Variants in ARHGAP15 observed in about 807,000 individuals in gnomAD.
ARHGAP15 encodes rho GTPase-activating protein 15.
Under a neutral mutation model 63.7 loss-of-function variants are expected in ARHGAP15, and 51 were observed. The observed-to-expected ratio is 0.80, with a 90% CI of 0.64 to 1.01. The LOEUF (loss-of-function observed/expected upper bound fraction) is 1.01, where lower values mean the gene tolerates loss of function less well. Ranked by LOEUF, ARHGAP15 falls within the 50% of genes least tolerant of loss-of-function variation. The probability of loss-of-function intolerance (pLI) is 0.00; values close to 1 mark genes in which losing one functional copy is unlikely to be tolerated. For missense variants in ARHGAP15, 560 were observed against 564.6 expected, an observed-to-expected ratio of 0.99 and a Z score of 0.08; for synonymous variants, 191 against 193.8, an observed-to-expected ratio of 0.99 and a Z score of 0.12.
At chr2:143,724,998 T>C (rs1014826389) in intron 13 of ARHGAP15, among the ~76,000 whole-genome samples, 1 of 152,194 alleles carries the variant, frequency 6.6e-6, no homozygotes, top group African/African-American at 2.4e-5. Flanking sequence ...TAACTCAAGT[T>C]CCTCAGGAGA....
chr2:143,660,598 G>A (rs1681711338), intron 12 of ARHGAP15, among the ~76,000 whole-genome samples: 1 of 152,204 alleles, frequency 6.6e-6, no homozygotes, highest in African/African-American at 2.4e-5. Flanking sequence ...CTTAGCGACA[G>A]ACCTGTGTAA....
chr2:143,648,028 G>A (rs564538472), intron 12 of ARHGAP15, among the ~76,000 whole-genome samples: 1 of 152,084 alleles, frequency 6.6e-6, no homozygotes, highest in South Asian at 2.1e-4. Context: ...TCAGAGGATT[G>A]ATACTGCAGC....
At chr2:143,723,105 G>A (rs1217444690) in intron 13 of ARHGAP15, among the ~76,000 whole-genome samples, 1 of 152,196 alleles carries the variant, frequency 6.6e-6, no homozygotes, top group African/African-American at 2.4e-5. Context: ...ACTGCCTGCA[G>A]TATTTAGTAC....
intron 6 of ARHGAP15, among the ~76,000 whole-genome samples, chr2:143,308,285 CT>C (rs2105178615): frequency 6.6e-6 from 1 of 152,200 alleles, no homozygotes; most frequent in African/African-American, 2.4e-5. Flanking sequence ...ACATTTTCAA[CT>C]TTTCTTATGC....
intron 8 of ARHGAP15, among the ~76,000 whole-genome samples, chr2:143,448,208 A>C (rs1363766577): frequency 6.6e-6 from 1 of 152,160 alleles, no homozygotes; most frequent in Non-Finnish European, 1.5e-5. Flanking sequence ...TGTGCAAAAC[A>C]TTGGGGCAAC....
At chr2:143,325,712 C>G (rs562552742) in intron 6 of ARHGAP15, among the ~76,000 whole-genome samples, 1 of 152,192 alleles carries the variant, frequency 6.6e-6, no homozygotes, top group South Asian at 2.1e-4. Flanking sequence ...TTGTATACTT[C>G]AGAAAAAATC....
In ARHGAP15 at chr2:143,228,604, T is replaced by C. The variant is rs1363400183; in HGVS notation, c.320T>C (p.Ile107Thr). ...AGGAAAAACTGGTCTACTTCCTGGA[T>C]TGTTCTTTCTAGTCGAAGAATTGAA... The part of the protein sequence containing the change: ...KLRKNWSTSW[I>T]VLSSRRIEFY... Residue 107 changes from isoleucine (I) to threonine (T), a missense_variant, in exon 5 of 14, where the codon ATT (isoleucine) becomes ACT (threonine). Ile to Thr is a moderately conservative substitution (Grantham distance 89). Coordinates refer to ENST00000295095, the MANE Select transcript of ARHGAP15 (RefSeq NM_018460.4). 6.2e-7 allele frequency: 1 copy of C among 1,609,584 alleles called. No homozygotes were observed.
intron 5 of ARHGAP15, among the ~76,000 whole-genome samples, chr2:143,242,994 G>A (rs551795701): frequency 5.3e-5 from 8 of 152,242 alleles, no homozygotes; most frequent in South Asian, 2.1e-4. Flanking sequence ...AAAAAATGGC[G>A]CTAATAACCT....
chr2:143,262,999 T>C (rs1308705875), intron 6 of ARHGAP15, among the ~76,000 whole-genome samples: 1 of 152,148 alleles, frequency 6.6e-6, no homozygotes, highest in East Asian at 1.9e-4. Flanking sequence ...GGAGACACCA[T>C]GTCATGTAAC....
At chr2:143,282,268 T>C (rs1681886928) in intron 6 of ARHGAP15, among the ~76,000 whole-genome samples, 4 of 152,190 alleles carry the variant, frequency 2.6e-5, no homozygotes, top group Admixed American at 2.6e-4. Flanking sequence ...AAGGCATGCA[T>C]CCATCTCTCA....
intron 11 of ARHGAP15, among the ~76,000 whole-genome samples, chr2:143,582,258 G>T (rs1696936860): frequency 6.6e-6 from 1 of 152,142 alleles, no homozygotes; most frequent in South Asian, 2.1e-4. Flanking sequence ...TTTGAGGGTA[G>T]TAGGTTAGAA....
At chr2:143,510,864 C>G (rs192354688) in intron 9 of ARHGAP15, among the ~76,000 whole-genome samples, 5 of 152,294 alleles carry the variant, frequency 3.3e-5, no homozygotes, top group Admixed American at 6.5e-5. Context: ...GCTGCAATGG[C>G]CCTCTCTCCT....
chr2:143,739,134 A>G (rs1685865669), intron 13 of ARHGAP15, among the ~76,000 whole-genome samples: 1 of 152,168 alleles, frequency 6.6e-6, no homozygotes, highest in Non-Finnish European at 1.5e-5. Context: ...ATCTGCATGC[A>G]CACTCCATCT....
intron 6 of ARHGAP15, among the ~76,000 whole-genome samples, chr2:143,261,784 A>G (rs1005829565): frequency 6.6e-6 from 1 of 152,184 alleles, no homozygotes; most frequent in African/African-American, 2.4e-5. Context: ...AGTTTATTTG[A>G]TTGAAGAAAG....
In ARHGAP15 at chr2:143,417,248, G is replaced by A. The variant is rs55762647; in HGVS notation, c.475-18353G>A. On this transcript the variant is annotated intron_variant, in intron 6 of 13. Coordinates refer to ENST00000295095, the MANE Select transcript of ARHGAP15 (RefSeq NM_018460.4). ...TCATTACTTGTCACATTTTCTAATT[G>A]CATTTTGTAATTTATCTGTGCCTGA... is the stretch of plus-strand genomic sequence containing the variant. Among the ~76,000 whole-genome samples the A allele has an allele frequency of 5.1e-3, 781 of 152,080 alleles. 2 individuals carry two copies. The highest frequency in any genetic ancestry group is 0.017 in the African/African-American group (721 of 41,488).
At chr2:143,573,496 G>T (rs560120598) in intron 11 of ARHGAP15, among the ~76,000 whole-genome samples, 1 of 152,246 alleles carries the variant, frequency 6.6e-6, no homozygotes, top group South Asian at 2.1e-4. Context: ...TTGTTACAGA[G>T]TAAAAATTAC....
intron 2 of ARHGAP15, among the ~76,000 whole-genome samples, chr2:143,156,298 C>G (rs1230416307): frequency 6.6e-6 from 1 of 151,866 alleles, no homozygotes; most frequent in Non-Finnish European, 1.5e-5. Flanking sequence ...CCACTGATTG[C>G]GATGAGTCTC....
intron 5 of ARHGAP15, among the ~76,000 whole-genome samples, chr2:143,244,858 A>T (rs1693989610): frequency 6.6e-6 from 1 of 152,230 alleles, no homozygotes; most frequent in Non-Finnish European, 1.5e-5. Flanking sequence ...GGTTAAGGTC[A>T]TGAGATGGAG....
chr2:143,717,639 G>A (rs1684866966), intron 13 of ARHGAP15, among the ~76,000 whole-genome samples: 1 of 152,128 alleles, frequency 6.6e-6, no homozygotes, highest in Admixed American at 6.5e-5. Context: ...CATTCCATCC[G>A]AGTCATTTAT....
Sources: allele counts gnomAD v4.1 joint callset (sites outside exome capture counted in the v4.1 genomes callset), GRCh38; gene constraint gnomAD v4.1.1; transcripts MANE v1.5; gene names NCBI Gene and HGNC (gene_info 2026-07-23, HGNC 2026-07-21).